The following LUC7L variants were observed in gnomAD, a reference collection of about 807,000 sequenced individuals.
LUC7L encodes the protein putative RNA-binding protein Luc7-like 1.
A neutral mutation model predicts 51.1 loss-of-function variants in LUC7L; 29 were observed. The observed-to-expected ratio is 0.57, with a 90% CI of 0.42 to 0.77. The LOEUF is 0.77. LUC7L is among the 30% of genes least tolerant of loss of function. The probability of loss-of-function intolerance (pLI) is 0.00; values close to 1 mark genes in which losing one functional copy is unlikely to be tolerated. For synonymous variants in LUC7L, 181 were observed against 180.7 expected (o/e 1.00, Z -0.01); for missense variants, 403 against 511.9 (o/e 0.79, Z 2.05).
intron 3 of LUC7L, chr16:209,809 G>C (rs1472361706): frequency 2.6e-5 from 4 of 152,178 alleles, no homozygotes; most frequent in Non-Finnish European, 5.9e-5. Context: ...CACTGGAGAA[G>C]ATTGTGATCT....
chr16:197,681 C>T (rs2049190810), intron 6 of LUC7L, among the ~76,000 whole-genome samples: 1 of 152,224 alleles, frequency 6.6e-6, no homozygotes, highest in African/African-American at 2.4e-5. Flanking sequence ...AGGTTCACAC[C>T]ATCACCTATG....
At chr16:225,391 C>A (rs951682498) in intron 2 of LUC7L, among the ~76,000 whole-genome samples, 1 of 150,980 alleles carries the variant, frequency 6.6e-6, no homozygotes, top group African/African-American at 2.4e-5. Flanking sequence ...GAGGCTGAGG[C>A]AAGAGAATGG....
intron 2 of LUC7L, 54 bp downstream of exon 2, chr16:227,188 C>T: frequency 7.0e-7 from 1 of 1,422,242 alleles, no homozygotes; most frequent in Admixed American, 1.8e-5. Flanking sequence ...ACCGTCACTG[C>T]CTATACAGCA....
At chr16:199,697 G>C (rs1193793949) in intron 5 of LUC7L, among the ~76,000 whole-genome samples, 1 of 150,880 alleles carries the variant, frequency 6.6e-6, no homozygotes, top group Non-Finnish European at 1.5e-5. Context: ...CTTGAACTCG[G>C]GAGGCGGAGG....
chr16:192,155 C>A (rs975929241), intron 7 of LUC7L, among the ~76,000 whole-genome samples: 4 of 152,124 alleles, frequency 2.6e-5, no homozygotes, highest in African/African-American at 9.7e-5. Flanking sequence ...CTCCTCTGCA[C>A]GCTTCACACA....
intron 5 of LUC7L, 95 bp downstream of exon 5, chr16:205,909 A>G: frequency 6.9e-7 from 1 of 1,447,690 alleles, no homozygotes; most frequent in Non-Finnish European, 9.4e-7. Context: ...AAATTTTTTA[A>G]AAAATGGGAG....
intron 4 of LUC7L, among the ~76,000 whole-genome samples, chr16:207,824 A>G (rs1434387251): frequency 6.6e-6 from 1 of 152,164 alleles, no homozygotes; most frequent in Non-Finnish European, 1.5e-5. Flanking sequence ...ACCGGCTAAC[A>G]CGGTGAAACC....
At chr16:227,912 C>T in intron 1 of LUC7L, 1 of 1,003,212 alleles carries the variant, frequency 1.0e-6, no homozygotes, top group Non-Finnish European at 1.2e-6. Context: ...TCACTTTTAA[C>T]AAGACAATAC....
chr16:198,671 G>C (rs1158647934), intron 6 of LUC7L, among the ~76,000 whole-genome samples: 1 of 152,062 alleles, frequency 6.6e-6, no homozygotes, highest in African/African-American at 2.4e-5. Flanking sequence ...CAAGTTCTTA[G>C]AGATCAGAAC....
intron 3 of LUC7L, among the ~76,000 whole-genome samples, chr16:213,105 G>GT (rs1257233401): frequency 6.6e-6 from 1 of 152,122 alleles, no homozygotes; most frequent in Non-Finnish European, 1.5e-5. Context: ...TAATATTGCT[G>GT]TTTGACAGTT....
intron 7 of LUC7L, among the ~76,000 whole-genome samples, chr16:191,588 T>G (rs1415552283): frequency 2.0e-5 from 3 of 152,248 alleles, no homozygotes; most frequent in Non-Finnish European, 2.9e-5. Context: ...GGCTCACGCT[T>G]GTAATCCCAG....
intron 2 of LUC7L, among the ~76,000 whole-genome samples, chr16:224,536 A>G (rs2050070663): frequency 6.7e-6 from 1 of 148,946 alleles, no homozygotes; most frequent in African/African-American, 2.5e-5. Flanking sequence ...AAAAAAAAAG[A>G]AAACCTCATG....
At chr16:215,081 A>G (rs1241849620) in intron 3 of LUC7L, among the ~76,000 whole-genome samples, 1 of 152,134 alleles carries the variant, frequency 6.6e-6, no homozygotes, top group Non-Finnish European at 1.5e-5. Flanking sequence ...GTTGTATTAC[A>G]TCTTTTTTTT....
intron 3 of LUC7L, chr16:209,650 A>G (rs931567581): frequency 1.3e-5 from 2 of 152,168 alleles, no homozygotes; most frequent in African/African-American, 2.4e-5. Flanking sequence ...AGATAGCATG[A>G]TCTTTTACCA....
chr16:210,879 G>A (rs562124512), intron 3 of LUC7L, among the ~76,000 whole-genome samples: 51 of 150,204 alleles, frequency 3.4e-4, no homozygotes, highest in Admixed American at 4.0e-4. Context: ...GTGAAACCCC[G>A]TCTCTACTAA....
In LUC7L at chr16:216,485, T is replaced by C. The variant is rs369585088; in HGVS notation, c.255+4164A>G. 8.4e-4 allele frequency among the ~76,000 whole-genome samples: 125 copies of C among 149,406 alleles called. 1 individual carries two copies. Among genetic ancestry groups the C allele is most frequent in the African/African-American group, 2.9e-3 (119 of 40,354 alleles). On this transcript the variant is annotated intron_variant, in intron 3 of 9. Transcript: ENST00000293872. ...GAAACCTCCGCCTCCTGGGTTCCAGTGATTCTCCTGCCTCAGCCTCCCAAG... is the reference window on the plus strand; with the variant it reads ...GAAACCTCCGCCTCCTGGGTTCCAGCGATTCTCCTGCCTCAGCCTCCCAAG...
chr16:228,944 C>A, intron 1 of LUC7L: 7 of 1,399,156 alleles, frequency 5.0e-6, no homozygotes, highest in Non-Finnish European at 6.6e-6. Context: ...GGAGCCCACG[C>A]TGATTCCAGC....
At chr16:221,840 C>G (rs1423761516) in intron 2 of LUC7L, among the ~76,000 whole-genome samples, 1 of 152,168 alleles carries the variant, frequency 6.6e-6, no homozygotes, top group Non-Finnish European at 1.5e-5. Context: ...AAAGAGCGGA[C>G]AGAAGTTAGA....
intron 3 of LUC7L, among the ~76,000 whole-genome samples, chr16:216,181 A>G (rs564742753): frequency 1.1e-4 from 17 of 149,170 alleles, no homozygotes; most frequent in African/African-American, 4.2e-4. Context: ...TTCAATTTTT[A>G]ATAGAGATGG....
Sources: allele counts gnomAD v4.1 joint callset (sites outside exome capture counted in the v4.1 genomes callset), GRCh38; gene constraint gnomAD v4.1.1; transcripts MANE v1.5; gene names NCBI Gene and HGNC (gene_info 2026-07-23, HGNC 2026-07-21).